ARHGAP4: variants seen among roughly 807,000 people sequenced by gnomAD.
ARHGAP4 encodes the protein Rho GTPase activating protein 4, also known as rho GTPase-activating protein 4.
ARHGAP4 carries 25 observed loss-of-function variants against 67.6 expected under a neutral mutation model. The ratio of observed to expected loss-of-function variants is 0.37; its 90% CI spans 0.27 to 0.52. ARHGAP4 has a LOEUF of 0.52. ARHGAP4 is among the 20% of genes least tolerant of loss of function. ARHGAP4 has a pLI of 0.92. For synonymous variants in ARHGAP4, 448 were observed against 373.7 expected (o/e 1.20, Z -2.29); for missense variants, 804 against 854.6 (o/e 0.94, Z 0.74).
At position 153,926,143 on chromosome X, in the gene ARHGAP4, T is replaced by A. The variant is rs1557106251; in HGVS notation, c.60A>T (p.Gln20His). The A allele has an allele frequency of 8.3e-7, 1 of 1,203,567 alleles. No individual in the cohort carries two copies. ...CGCCCGGCGCCCTCTCACCTTTGAC[T>A]TGCGTCTCATACTCAGCCTGCAGCC... ...ERGLQAEYET[Q>H]VKEMRWQLSE... The change falls in exon 1 of 22, where the codon CAA (glutamine) becomes CAT (histidine). Residue 20 changes from glutamine (Q) to histidine (H), a missense_variant. Physicochemically the swap from Gln to His is conservative, Grantham distance 24 (BLOSUM62 0). Around this residue, in one of 2 missense-constraint regions of ARHGAP4, gnomAD observed 404 missense variants for 505.9 expected, o/e 0.80. Transcript: ENST00000350060.
chrX:153,915,055 G>A (rs1557104059), intron 7 of ARHGAP4, among the ~76,000 whole-genome samples: 1 of 112,423 alleles, frequency 8.9e-6, no homozygotes, highest in East Asian at 2.8e-4. Context: ...AGAGTAGAAA[G>A]TAAGGCCATT....
intron 1 of ARHGAP4, among the ~76,000 whole-genome samples, chrX:153,922,692 G>T (rs1175694502): frequency 1.8e-5 from 2 of 112,342 alleles, no homozygotes; most frequent in African/African-American, 3.2e-5. Flanking sequence ...TCAGCTTCTG[G>T]CCAGCAGGCT....
chrX:153,909,736 C>T lies in ARHGAP4; in HGVS notation c.2414+5G>A. On this transcript the variant is annotated splice_donor_5th_base_variant and intron_variant, in intron 19 of 21. Coordinates refer to ENST00000350060, the MANE Select transcript of ARHGAP4 (RefSeq NM_001666.5). ...CCCTGGGGCCTGAGGGCGCGGCTCA[C>T]TCACCCGGCGGGCAGCGTGATATAC... The T allele has an allele frequency of 8.4e-7, 1 of 1,184,006 alleles. No homozygotes were observed. The highest frequency in any genetic ancestry group is 1.1e-6 in the Non-Finnish European group (1 of 881,946).
Position 153,921,845 on chromosome X carries a change from C to T in ARHGAP4, c.68-36G>A, listed in dbSNP as rs781925620. Reference sequence around the variant, plus strand: ...AACCATGGCTCAGGCCTGGTCAGCACGCCCTGCCTGGGTCAGCCAGGCCAG... The same window carrying T: ...AACCATGGCTCAGGCCTGGTCAGCATGCCCTGCCTGGGTCAGCCAGGCCAG... On this transcript the variant is annotated intron_variant, in intron 1 of 21. Transcript: ENST00000350060. The T allele has an allele frequency of 5.7e-5, 66 of 1,151,857 alleles. No homozygotes were observed. The South Asian group carries it at 6.7e-4, about 12-fold the overall frequency. 94.9% of individuals were successfully genotyped at this position (1,151,857 alleles called of 1,213,427 possible).
chrX:153,908,956 T>C, intron 21 of ARHGAP4, 114 bp downstream of exon 21: 1 of 790,910 alleles, frequency 1.3e-6, no homozygotes, highest in Non-Finnish European at 1.9e-6. Context: ...TCCCTTGAGC[T>C]AAGGCCAGGG....
chrX:153,918,616 G>A (rs953381199), intron 7 of ARHGAP4, among the ~76,000 whole-genome samples: 3 of 112,892 alleles, frequency 2.7e-5, no homozygotes, highest in Admixed American at 1.9e-4. Context: ...CCTGCTGCAC[G>A]GTTTGAACAG....
chrX:153,924,399 C>T (rs1443882321), intron 1 of ARHGAP4, among the ~76,000 whole-genome samples: 1 of 111,824 alleles, frequency 8.9e-6, no homozygotes, highest in Non-Finnish European at 1.9e-5. Context: ...GCAGAGCTTT[C>T]GGATCTCAGT....
intron 1 of ARHGAP4, among the ~76,000 whole-genome samples, chrX:153,923,349 G>A (rs187985916): frequency 1.8e-5 from 2 of 111,780 alleles, no homozygotes; most frequent in African/African-American, 6.5e-5. Flanking sequence ...GACCCTGTGG[G>A]TTCCGCCTGC....
In ARHGAP4 at chrX:153,909,937, G is replaced by A; in HGVS notation, c.2231-13C>T. ...ACCCCCTCCAGGTCTGGGGAGGAGA[G>A]GGGGTCCAAGCTGTGGGAGGGGGTG... On this transcript the variant is annotated splice_polypyrimidine_tract_variant and intron_variant, in intron 18 of 21. Transcript: ENST00000350060. 8.3e-7 allele frequency: 1 copy of A among 1,208,563 alleles called. No individual in the cohort carries two copies. The highest frequency in any genetic ancestry group is 1.1e-6 in the Non-Finnish European group (1 of 894,130).
chrX:153,909,429 G>A lies in ARHGAP4; in HGVS notation c.2507+14C>T, dbSNP rs369101749. 9.0e-5 allele frequency: 106 copies of A among 1,180,719 alleles called. No homozygotes were observed. The highest frequency in any genetic ancestry group is 2.3e-4 in the African/African-American group (13 of 56,716). ...GCACACGTGTGGCCCCCTGAGCCCC[G>A]TCTTCTTGCTCACCGGTGGACCAGC... On this transcript the variant is annotated intron_variant, in intron 20 of 21. Transcript: ENST00000350060.
At position 153,911,203 on chromosome X, in the gene ARHGAP4, G is replaced by A; in HGVS notation, c.1543-14C>T. ...CTGGCCTGAGCTCTGGGGACAGAGG[G>A]TGTTTACTTCACCATGGACACAGCA... On this transcript the variant is annotated splice_polypyrimidine_tract_variant and intron_variant, in intron 12 of 21. Transcript: ENST00000350060. The A allele has an allele frequency of 5.2e-6, 6 of 1,146,428 alleles. No individual in the cohort carries two copies. The highest frequency in any genetic ancestry group is 6.5e-5 in the East Asian group (2 of 30,674). The allele number at this position is 1,146,428 out of a possible 1,213,427, so 94.5% of individuals were successfully genotyped here.
chrX:153,925,941 G>A (rs1332982474), intron 1 of ARHGAP4, among the ~76,000 whole-genome samples, 195 bp downstream of exon 1: 5 of 112,939 alleles, frequency 4.4e-5, no homozygotes, highest in African/African-American at 6.4e-5. Flanking sequence ...AAAGAAGGAA[G>A]GGAAAATGGC....
intron 1 of ARHGAP4, among the ~76,000 whole-genome samples, chrX:153,924,222 A>C (rs1557105816): frequency 8.9e-6 from 1 of 111,989 alleles, no homozygotes. Flanking sequence ...ATGACAACTG[A>C]ACAGTGCAGA....
At position 153,921,366 on chromosome X, in the gene ARHGAP4, T is replaced by G; in HGVS notation, c.434A>C (p.Lys145Thr). The change falls in exon 3 of 22, where the codon AAG becomes ACG. Residue 145 changes from lysine (K) to threonine (T), a missense_variant and splice_region_variant. This residue lies in a region of ARHGAP4 where 404 missense variants were observed against 505.9 expected (regional missense o/e 0.80). Coordinates refer to ENST00000350060, the MANE Select transcript of ARHGAP4 (RefSeq NM_001666.5). Reference protein sequence around the residue: ...IAEDVGRLVKKSRDLEQQLQD... With the variant: ...IAEDVGRLVKTSRDLEQQLQD... ...CGTGGCCCAGGATGAGAGCCTCACCTTCTTGACCAGGCGCCCCACGTCCTC... is the reference window on the plus strand; with the variant it reads ...CGTGGCCCAGGATGAGAGCCTCACCGTCTTGACCAGGCGCCCCACGTCCTC... 8.3e-7 allele frequency: 1 copy of G among 1,210,890 alleles called. No individual in the cohort carries two copies. The highest frequency in any genetic ancestry group is 1.8e-5 in the South Asian group (1 of 56,969).
At chrX:153,923,678 C>T (rs1363221549) in intron 1 of ARHGAP4, among the ~76,000 whole-genome samples, 1 of 113,104 alleles carries the variant, frequency 8.8e-6, no homozygotes, top group Non-Finnish European at 1.9e-5. Context: ...TCATCCTATC[C>T]GAGGCTGGCC....
Position 153,907,695 on chromosome X carries a change from G to T in ARHGAP4, c.*34C>A. On this transcript the variant is annotated 3_prime_UTR_variant, in exon 22 of 22. Coordinates refer to ENST00000350060, the MANE Select transcript of ARHGAP4 (RefSeq NM_001666.5). ...GGGAGAGTGGCCGGTCCAGCGGGTA[G>T]CCGCCGGGGGCACGCATCTCCAGCA... 1.2e-6 allele frequency: 1 copy of T among 815,114 alleles called. No homozygotes were observed. The highest frequency in any genetic ancestry group is 1.6e-6 in the Non-Finnish European group (1 of 612,713). The allele number at this position is 815,114 out of a possible 1,213,427, so 67.2% of individuals were successfully genotyped here.
intron 21 of ARHGAP4, 103 bp downstream of exon 21, chrX:153,908,967 A>G: frequency 3.5e-6 from 3 of 860,345 alleles, no homozygotes. Context: ...AAGGCCAGGG[A>G]GGGCAACGAC....
At chrX:153,921,231 G>C in intron 3 of ARHGAP4, 72 bp from the exon 4 acceptor site, 1 of 1,178,271 alleles carries the variant, frequency 8.5e-7, no homozygotes, top group Non-Finnish European at 1.1e-6. Flanking sequence ...GCTCTGCCCA[G>C]ATCAAGCCCC....
chrX:153,919,033 G>C lies in ARHGAP4; in HGVS notation c.831C>G (p.His277Gln). The change falls in exon 7 of 22, where the codon CAC becomes CAG. Residue 277 changes from histidine to glutamine, a missense_variant. Physicochemically the swap from His to Gln is conservative, Grantham distance 24. This residue lies in a region of ARHGAP4 where 404 missense variants were observed against 505.9 expected (regional missense o/e 0.80). Transcript: ENST00000350060. ...TCCGGAGCACCTGCCCCAGGGCCAG[G>C]TGGAACCCTGTGTCACAGCACTGAG... The part of the protein sequence containing the change: ...DLMDCCDTGF[H>Q]LALGQVLRSY... 1 of 1,211,540 alleles carries C rather than the reference G, an allele frequency of 8.3e-7. No homozygotes were observed. The highest frequency in any genetic ancestry group is 1.1e-6 in the Non-Finnish European group (1 of 895,364).
Sources: gnomAD v4.1 joint callset for allele counts (sites outside exome capture counted in the v4.1 genomes callset) on GRCh38, gnomAD v4.1.1 for gene constraint, gnomAD v4.1.1 regional missense constraint, MANE v1.5 for transcripts, NCBI Gene and HGNC (gene_info 2026-07-23, HGNC 2026-07-21) for gene names.